The following PALM2AKAP2 variants were observed in gnomAD, a reference collection of about 807,000 sequenced individuals.
PALM2AKAP2 encodes PALM2 and AKAP2 fusion.
In PALM2AKAP2, 37 loss-of-function variants were observed where a neutral mutation model predicts 71.5. That is an observed-to-expected ratio of 0.52 (90% CI 0.40 to 0.68). The LOEUF (loss-of-function observed/expected upper bound fraction) is 0.68, where lower values mean the gene tolerates loss of function less well. Ranked by LOEUF, PALM2AKAP2 falls within the 30% of genes least tolerant of loss-of-function variation. PALM2AKAP2 has a pLI of 0.00. For missense variants in PALM2AKAP2, 1,224 were observed against 1,191.8 expected, an observed-to-expected ratio of 1.03 and a Z score of -0.40; for synonymous variants, 468 against 478.8, an observed-to-expected ratio of 0.98 and a Z score of 0.29.
chr9:110,006,661 C>G (rs543872907), intron 6 of PALM2AKAP2, among the ~76,000 whole-genome samples: 1 of 152,100 alleles, frequency 6.6e-6, no homozygotes, highest in East Asian at 1.9e-4. Context: ...CCATTCCTGG[C>G]CCTGAGTGTG....
At chr9:109,646,937 A>G (rs1310066255) in intron 1 of PALM2AKAP2, among the ~76,000 whole-genome samples, 1 of 152,258 alleles carries the variant, frequency 6.6e-6, no homozygotes, top group Non-Finnish European at 1.5e-5. Flanking sequence ...GTTAATTTCT[A>G]TGATGAAAGT....
chr9:110,138,691 T>C (rs1442486261), intron 2 of PALM2AKAP2, 152 bp downstream of exon 8: 2 of 1,424,424 alleles, frequency 1.4e-6, no homozygotes, highest in African/African-American at 2.9e-5. Flanking sequence ...TACAGGGACA[T>C]GCAACAAAAG....
At chr9:110,148,684 T>C (rs1263312726) in intron 2 of PALM2AKAP2, 1 of 152,264 alleles carries the variant, frequency 6.6e-6, no homozygotes, top group African/African-American at 2.4e-5. Flanking sequence ...AAGGAGGCCC[T>C]GGCTTAGGCA....
At chr9:110,059,363 T>A (rs909735012) in intron 1 of PALM2AKAP2, among the ~76,000 whole-genome samples, 1 of 152,158 alleles carries the variant, frequency 6.6e-6, no homozygotes, top group Non-Finnish European at 1.5e-5. Context: ...ACAGAGTTGG[T>A]GTTTTTGTTG....
intron 5 of PALM2AKAP2, among the ~76,000 whole-genome samples, chr9:109,929,863 CA>C (rs58029417): frequency 0.14 from 9,853 of 68,680 alleles, 194 homozygotes; most frequent in African/African-American, 0.24. Flanking sequence ...GACTCCATTT[CA>C]AAAAAAAAAA....
At chr9:109,734,274 A>G (rs891073540) in intron 1 of PALM2AKAP2, among the ~76,000 whole-genome samples, 1 of 152,182 alleles carries the variant, frequency 6.6e-6, no homozygotes, top group Non-Finnish European at 1.5e-5. Flanking sequence ...TGAGGAATCA[A>G]TCTAGACTAT....
chr9:109,795,652 C>T (rs184545770), intron 1 of PALM2AKAP2, among the ~76,000 whole-genome samples: 2 of 152,314 alleles, frequency 1.3e-5, no homozygotes, highest in Admixed American at 6.5e-5. Context: ...TTAGAGCTGT[C>T]TTCCATGGGC....
chr9:110,158,233 G>T (rs1330401631), intron 3 of PALM2AKAP2, among the ~76,000 whole-genome samples: 1 of 152,224 alleles, frequency 6.6e-6, no homozygotes, highest in Non-Finnish European at 1.5e-5. Context: ...TTTTCTGAAA[G>T]TTAAATCATT....
At chr9:109,851,203 CAACAACAAA>C (rs1829003920) in intron 1 of PALM2AKAP2, among the ~76,000 whole-genome samples, 1 of 46,926 alleles carries the variant, frequency 2.1e-5, no homozygotes, top group African/African-American at 8.4e-5. Flanking sequence ...ACAACAACAA[CAACAACAAA>C]AAAAAAAAAA....
rs545262845 is a variant in PALM2AKAP2 at position 109,813,531 on chromosome 9, C to G, written c.45+32998C>G. 1.5e-3 allele frequency among the ~76,000 whole-genome samples: 228 copies of G among 152,244 alleles called. 1 individual carries two copies. Among genetic ancestry groups the G allele is most frequent in the African/African-American group, 5.0e-3 (207 of 41,552 alleles). The stretch of plus-strand genomic sequence containing the variant: ...CAGCATTTTTCCCATTTTCTGCCCT[C>G]CCTTTAAGGAGGTAGGGATGAGAAA... On this transcript the variant is annotated intron_variant, in intron 1 of 9. Coordinates refer to the PALM2AKAP2 transcript ENST00000302798.
At chr9:109,921,894 G>A (rs146707977) in intron 3 of PALM2AKAP2, among the ~76,000 whole-genome samples, 4 of 152,120 alleles carry the variant, frequency 2.6e-5, no homozygotes, top group Non-Finnish European at 5.9e-5. Flanking sequence ...AGGTTAATTT[G>A]GATATAGGGC....
chr9:109,967,755 A>G lies in PALM2AKAP2; in HGVS notation c.496+35727A>G, dbSNP rs115603401. On this transcript the variant is annotated intron_variant, in intron 6 of 9. Transcript: ENST00000302798. ...GAGAAGTGTCAAAGAATTTTTAGAC[A>G]TGTCTCAAAACCACCACAATGGCCT... Among the ~76,000 whole-genome samples, 1,007 of 152,322 alleles carry G rather than the reference A, an allele frequency of 6.6e-3. 11 individuals carry two copies. The highest frequency in any genetic ancestry group is 0.023 in the African/African-American group (958 of 41,574).
intron 7 of PALM2AKAP2, among the ~76,000 whole-genome samples, chr9:110,034,805 A>G (rs557026586): frequency 3.3e-5 from 5 of 151,298 alleles, no homozygotes; most frequent in African/African-American, 4.9e-5. Flanking sequence ...GGGTTTCACC[A>G]TGTTGGCCAG....
intron 1 of PALM2AKAP2, among the ~76,000 whole-genome samples, chr9:109,663,195 C>G (rs1470365287): frequency 2.0e-5 from 3 of 152,102 alleles, no homozygotes; most frequent in Non-Finnish European, 4.4e-5. Context: ...TCTTTCAGTT[C>G]TGCTCTGATC....
At chr9:109,850,286 T>G (rs895891353) in intron 1 of PALM2AKAP2, among the ~76,000 whole-genome samples, 4 of 152,192 alleles carry the variant, frequency 2.6e-5, no homozygotes, top group Non-Finnish European at 4.4e-5. Flanking sequence ...GAGCTTTTTC[T>G]TAAATATTAC....
chr9:110,014,803 A>ATGT (rs1249165727), intron 6 of PALM2AKAP2, among the ~76,000 whole-genome samples: 2 of 16,020 alleles, frequency 1.2e-4, no homozygotes, highest in African/African-American at 3.5e-4. Flanking sequence ...AAAAAAAAAA[A>ATGT]ATGTATATAT....
rs143079895 is a variant in PALM2AKAP2 at position 109,692,853 on chromosome 9, G to A, written c.5+51987G>A. Among the ~76,000 whole-genome samples, 179 of 151,956 alleles carry A rather than the reference G, an allele frequency of 1.2e-3. 1 individual carries two copies. Among genetic ancestry groups the A allele is most frequent in the African/African-American group, 4.0e-3 (168 of 41,524 alleles). ...ATTTGATTTTTAAAAAAATTTAAAA[G>A]TTTTGCATCTATGTGCACAAGGAAT... On this transcript the variant is annotated intron_variant, in intron 1 of 6. Transcript: ENST00000374531.
At chr9:109,670,402 G>A (rs1309909208) in intron 1 of PALM2AKAP2, among the ~76,000 whole-genome samples, 1 of 152,090 alleles carries the variant, frequency 6.6e-6, no homozygotes, top group African/African-American at 2.4e-5. Context: ...AATTTGCTAT[G>A]GATAATGGCC....
intron 2 of PALM2AKAP2, among the ~76,000 whole-genome samples, chr9:110,154,398 A>G (rs1836397035): frequency 6.6e-6 from 1 of 152,230 alleles, no homozygotes; most frequent in South Asian, 2.1e-4. Context: ...TCAATTAAAA[A>G]GTCAATCGGA....
Sources: allele counts gnomAD v4.1 joint callset (sites outside exome capture counted in the v4.1 genomes callset), GRCh38; gene constraint gnomAD v4.1.1; transcripts MANE v1.5; gene names NCBI Gene and HGNC (gene_info 2026-07-23, HGNC 2026-07-21).